Variants in GALNT1 observed in about 807,000 individuals in gnomAD.
GALNT1 encodes the protein GalNAc transferase 1.
Under a neutral mutation model 65.7 loss-of-function variants are expected in GALNT1, and 17 were observed. That is an observed-to-expected ratio of 0.26 (90% CI 0.18 to 0.39). GALNT1 has a LOEUF of 0.39. GALNT1 is among the 10% of genes least tolerant of loss of function. The pLI is 1.00. For synonymous variants in GALNT1, 210 were observed against 219.7 expected (o/e 0.96, Z 0.39); for missense variants, 460 against 672.8 (o/e 0.68, Z 3.50).
chr18:35,596,040 G>A (rs1041905843), intron 1 of GALNT1: 3 of 152,114 alleles, frequency 2.0e-5, no homozygotes, highest in Non-Finnish European at 2.9e-5. Context: ...AGGGTGCTGC[G>A]AAAACTAAGG....
intron 5 of GALNT1, among the ~76,000 whole-genome samples, chr18:35,686,418 G>C (rs955306470): frequency 6.6e-6 from 1 of 152,216 alleles, no homozygotes; most frequent in South Asian, 2.1e-4. Flanking sequence ...AGAAGAATCA[G>C]ATCTAAGGGG....
At chr18:35,650,262 A>G (rs1301709320) in intron 1 of GALNT1, among the ~76,000 whole-genome samples, 1 of 152,178 alleles carries the variant, frequency 6.6e-6, no homozygotes, top group Non-Finnish European at 1.5e-5. Context: ...GCAAGTTTTT[A>G]TTAGTGATTT....
chr18:35,691,188 T>C lies in GALNT1; in HGVS notation c.1155T>C (p.Ser385=). The C allele has an allele frequency of 6.2e-7, 1 of 1,600,578 alleles. No individual in the cohort carries two copies. The highest frequency in any genetic ancestry group is 2.2e-5 in the East Asian group (1 of 44,796). Reference sequence around the variant, plus strand: ...TCAAGAATTTCTTCTATATAATTTCTCCAGGTTAGCGTTGTTTTGCATTAG... The same window carrying C: ...TCAAGAATTTCTTCTATATAATTTCCCCAGGTTAGCGTTGTTTTGCATTAG... ...DEFKNFFYII[S]PGVTKVDYGD... The change falls in exon 8 of 12, where the codon TCT becomes TCC. Residue 385 remains serine, a synonymous_variant. Transcript: ENST00000269195.
intron 1 of GALNT1, among the ~76,000 whole-genome samples, chr18:35,619,888 T>C (rs535921855): frequency 6.6e-6 from 1 of 152,196 alleles, no homozygotes; most frequent in Non-Finnish European, 1.5e-5. Flanking sequence ...AAATAAAAAA[T>C]GTAAAGCCTA....
intron 1 of GALNT1, among the ~76,000 whole-genome samples, chr18:35,611,932 C>G (rs774653231): frequency 5.2e-4 from 79 of 152,154 alleles, no homozygotes; most frequent in Non-Finnish European, 1.1e-3. Flanking sequence ...AATCCTGTCT[C>G]TAAATTTGTA....
intron 6 of GALNT1, among the ~76,000 whole-genome samples, chr18:35,688,420 C>T (rs2047902454): frequency 1.3e-5 from 2 of 151,944 alleles, no homozygotes; most frequent in African/African-American, 4.8e-5. Flanking sequence ...ACTTTTTCTC[C>T]ATACTTGTTC....
rs1225897793 is a variant in GALNT1 at position 35,654,768 on chromosome 18, GA to G, written c.113del (p.Lys38ArgfsTer11). 23 of 1,560,624 alleles carry G rather than the reference GA, an allele frequency of 1.5e-5. No homozygotes were observed. The highest frequency in any genetic ancestry group is 9.5e-5 in the East Asian group (4 of 42,248). The stretch of plus-strand genomic sequence containing the variant: ...CTTCAGTGAATGCAACAAATGTGAT[GA>G]AAAAAAGGAGAGAGGACTTCCTGCT... Reference protein sequence around the residue: ...LYFSECNKCDEKKERGLPAGD... With the variant: ...LYFSECNKCDXKKERGLPAGD... On this transcript the variant is annotated frameshift_variant, in exon 2 of 12. Coordinates refer to ENST00000269195, the MANE Select transcript of GALNT1 (RefSeq NM_020474.4). LOFTEE classifies it high-confidence loss of function.
intron 1 of GALNT1, among the ~76,000 whole-genome samples, chr18:35,601,480 T>G (rs2046581845): frequency 6.6e-6 from 1 of 152,150 alleles, no homozygotes; most frequent in Non-Finnish European, 1.5e-5. Flanking sequence ...TCTATTAATT[T>G]GGAATTTTTG....
At chr18:35,677,156 C>T (rs998626) in intron 3 of GALNT1, among the ~76,000 whole-genome samples, 14,494 of 152,118 alleles carry the variant, frequency 0.095, 829 homozygotes, top group African/African-American at 0.17. Context: ...GCCTGGTACA[C>T]GATAGGTACT....
At position 35,696,274 on chromosome 18, in the gene GALNT1, C is replaced by T. The variant is rs116104892; in HGVS notation, c.1299+3954C>T. On this transcript the variant is annotated intron_variant, in intron 9 of 11. Transcript: ENST00000269195. ...CACAGCTTCACCCATGTGAGCCTTC[C>T]TTTGCTAGCAACAGTAATTTAGCCT... Among the ~76,000 whole-genome samples, 1,363 of 152,318 alleles carry T rather than the reference C, an allele frequency of 8.9e-3. 20 individuals carry two copies. The highest frequency in any genetic ancestry group is 0.029 in the African/African-American group (1,222 of 41,570).
intron 1 of GALNT1, among the ~76,000 whole-genome samples, chr18:35,606,821 T>TTGTGTGTGTGTGTG (rs10526510): frequency 1.5e-5 from 2 of 135,592 alleles, no homozygotes; most frequent in African/African-American, 2.8e-5. Flanking sequence ...TGTTGATGTT[T>TTGTGTGTGTGTGTG]TGTGTGTGTG....
chr18:35,621,597 TATG>T (rs1394898056), intron 1 of GALNT1, among the ~76,000 whole-genome samples: 1 of 152,222 alleles, frequency 6.6e-6, no homozygotes, highest in Non-Finnish European at 1.5e-5. Context: ...TCGCATATCT[TATG>T]ATGTCTTTGG....
chr18:35,686,999 T>C lies in GALNT1; in HGVS notation c.690-17T>C, dbSNP rs2144631627. ...GAATGTTTTGAAAGATTTCTTAACT[T>C]GCTTTTATGACATCAGGAGAACAGT... On this transcript the variant is annotated splice_polypyrimidine_tract_variant and intron_variant, in intron 5 of 11. Transcript: ENST00000269195. 1 of 1,594,432 alleles carries C rather than the reference T, an allele frequency of 6.3e-7. No homozygotes were observed.
intron 3 of GALNT1, among the ~76,000 whole-genome samples, chr18:35,671,978 C>CT (rs1486371067): frequency 6.6e-6 from 1 of 152,180 alleles, no homozygotes; most frequent in Admixed American, 6.5e-5. Context: ...AATCTATACT[C>CT]TTATTTTTTC....
intron 1 of GALNT1, among the ~76,000 whole-genome samples, chr18:35,615,419 G>A (rs1357662692): frequency 6.6e-6 from 1 of 152,098 alleles, no homozygotes; most frequent in African/African-American, 2.4e-5. Flanking sequence ...ATTAAAAAAA[G>A]CAATTTCAGA....
intron 1 of GALNT1, among the ~76,000 whole-genome samples, chr18:35,613,661 G>A (rs1009149870): frequency 2.6e-5 from 4 of 152,184 alleles, no homozygotes; most frequent in Non-Finnish European, 5.9e-5. Context: ...GTGTAAAGCT[G>A]AAGCTCCCTG....
At chr18:35,612,420 A>AT (rs942008365) in intron 1 of GALNT1, among the ~76,000 whole-genome samples, 4 of 152,126 alleles carry the variant, frequency 2.6e-5, no homozygotes, top group African/African-American at 4.8e-5. Context: ...TAATTTAACC[A>AT]TTTTTTCAGT....
At chr18:35,687,922 T>G (rs1182973394) in intron 6 of GALNT1, among the ~76,000 whole-genome samples, 3 of 152,316 alleles carry the variant, frequency 2.0e-5, no homozygotes, top group Middle Eastern at 3.4e-3. Flanking sequence ...TGCCTTCCCT[T>G]GAATTCAAGT....
intron 3 of GALNT1, among the ~76,000 whole-genome samples, chr18:35,664,933 A>G (rs10502650): frequency 0.053 from 8,066 of 152,320 alleles, 248 homozygotes; most frequent in South Asian, 0.072. Flanking sequence ...TCCTGATAGT[A>G]TATGAATGAA....
Sources: allele counts gnomAD v4.1 joint callset (sites outside exome capture counted in the v4.1 genomes callset), GRCh38; gene constraint gnomAD v4.1.1; transcripts MANE v1.5; gene names NCBI Gene and HGNC (gene_info 2026-07-23, HGNC 2026-07-21).